The following DNAJC5B variants were observed in gnomAD, a reference collection of about 807,000 sequenced individuals.
DNAJC5B encodes the protein dnaJ homolog subfamily C member 5B.
Under a neutral mutation model 24.7 loss-of-function variants are expected in DNAJC5B, and 23 were observed. The ratio of observed to expected loss-of-function variants is 0.93; its 90% CI spans 0.67 to 1.32. DNAJC5B has a LOEUF of 1.32. Among genes scored for constraint, DNAJC5B ranks in the 40% most tolerant of loss-of-function variants. DNAJC5B has a pLI of 0.00. For synonymous variants in DNAJC5B, 101 were observed against 90.1 expected (o/e 1.12, Z -0.68); for missense variants, 238 against 240.8 (o/e 0.99, Z 0.08).
rs1020934221 is a variant in DNAJC5B at position 66,080,549 on chromosome 8, G to C, written c.505+1G>C. The stretch of plus-strand genomic sequence containing the variant: ...CAGATCAAGTCTGACATGGAAAAAG[G>C]TGGGGTAGGATGAGAGCAGAGGTAG... On this transcript the variant is annotated splice_donor_variant, in intron 5 of 5. Coordinates refer to ENST00000276570, the MANE Select transcript of DNAJC5B (RefSeq NM_033105.6). LOFTEE classifies it high-confidence loss of function. 6.9e-6 allele frequency: 11 copies of C among 1,602,824 alleles called. No individual in the cohort carries two copies. Among genetic ancestry groups the C allele is most frequent in the East Asian group, 2.2e-5 (1 of 44,566 alleles).
At chr8:66,076,119 A>C (rs866808795) in intron 3 of DNAJC5B, among the ~76,000 whole-genome samples, 15 of 152,240 alleles carry the variant, frequency 9.9e-5, no homozygotes, top group Admixed American at 5.2e-4. Flanking sequence ...AATACAAAGG[A>C]AGTCACAGTA....
chr8:66,058,889 G>C (rs572495387), intron 3 of DNAJC5B, among the ~76,000 whole-genome samples: 1 of 152,306 alleles, frequency 6.6e-6, no homozygotes, highest in African/African-American at 2.4e-5. Flanking sequence ...TTTGTGAAGA[G>C]AAATGAGATC....
At chr8:66,038,853 G>T (rs1282428860) in intron 1 of DNAJC5B, among the ~76,000 whole-genome samples, 1 of 152,190 alleles carries the variant, frequency 6.6e-6, no homozygotes, top group Non-Finnish European at 1.5e-5. Flanking sequence ...AAGCAACAAG[G>T]TGTTTAAATT....
At chr8:66,035,195 C>A (rs7004730) in intron 1 of DNAJC5B, among the ~76,000 whole-genome samples, 1 of 152,184 alleles carries the variant, frequency 6.6e-6, no homozygotes, top group African/African-American at 2.4e-5. Context: ...AATGCCCCCA[C>A]CATCCCTGGA....
At chr8:66,073,002 A>G (rs1485039338) in intron 3 of DNAJC5B, among the ~76,000 whole-genome samples, 1 of 152,146 alleles carries the variant, frequency 6.6e-6, no homozygotes, top group Admixed American at 6.6e-5. Flanking sequence ...GCCACTTTTG[A>G]CATCGTACTT....
chr8:66,081,271 G>C (rs1002463102), intron 5 of DNAJC5B, among the ~76,000 whole-genome samples: 3 of 152,106 alleles, frequency 2.0e-5, no homozygotes, highest in African/African-American at 7.2e-5. Context: ...CGTCCTCTGG[G>C]AAATGCCTTT....
intron 1 of DNAJC5B, among the ~76,000 whole-genome samples, chr8:66,030,900 G>A: frequency 6.6e-6 from 1 of 152,326 alleles, no homozygotes; most frequent in Non-Finnish European, 1.5e-5. Flanking sequence ...TCCTCCCAAA[G>A]TGCTGAAATT....
intron 5 of DNAJC5B, among the ~76,000 whole-genome samples, chr8:66,084,307 A>C (rs371278640): frequency 2.0e-5 from 3 of 152,290 alleles, no homozygotes; most frequent in African/African-American, 7.2e-5. Flanking sequence ...CCACTTAAAA[A>C]TCAAGTGACT....
intron 2 of DNAJC5B, among the ~76,000 whole-genome samples, chr8:66,048,094 C>G (rs1053952841): frequency 1.3e-5 from 2 of 152,158 alleles, no homozygotes; most frequent in Non-Finnish European, 2.9e-5. Context: ...TTAACTCCAG[C>G]TAAAGTATAT....
intron 3 of DNAJC5B, among the ~76,000 whole-genome samples, chr8:66,074,377 T>C (rs1807415907): frequency 6.6e-6 from 1 of 152,236 alleles, no homozygotes; most frequent in South Asian, 2.1e-4. Context: ...TAGGAAGATC[T>C]TGAGGGCTTT....
chr8:66,034,870 C>T (rs545827630), intron 1 of DNAJC5B, among the ~76,000 whole-genome samples: 1 of 152,190 alleles, frequency 6.6e-6, no homozygotes, highest in East Asian at 1.9e-4. Context: ...ACAGATCTGC[C>T]TGGACGCATG....
In DNAJC5B at chr8:66,077,008, TG is replaced by T. The variant is rs1807482787; in HGVS notation, c.333+136del. ...AAATAAAAGGAGATATTGCTTCCACTGAATGCTATTATTTAGGATCATTTCT... is the reference window on the plus strand; with the variant it reads ...AAATAAAAGGAGATATTGCTTCCACTAATGCTATTATTTAGGATCATTTCT... On this transcript the variant is annotated intron_variant, in intron 4 of 5. Coordinates refer to ENST00000276570, the MANE Select transcript of DNAJC5B (RefSeq NM_033105.6). 3.6e-6 allele frequency: 3 copies of T among 830,702 alleles called. No homozygotes were observed. The Admixed American group carries it at 7.8e-5, about 22-fold the overall frequency. The allele number at this position is 830,702 out of a possible 1,614,324, so 51.5% of individuals were successfully genotyped here.
intron 3 of DNAJC5B, among the ~76,000 whole-genome samples, chr8:66,059,172 A>T (rs1807028613): frequency 6.6e-6 from 1 of 152,342 alleles, no homozygotes; most frequent in Admixed American, 6.5e-5. Context: ...AAGGGGTTGA[A>T]GTCTAAGGCT....
chr8:66,049,440 G>A (rs112918169), intron 2 of DNAJC5B, among the ~76,000 whole-genome samples: 50 of 152,182 alleles, frequency 3.3e-4, no homozygotes, highest in African/African-American at 1.1e-3. Context: ...ACATTTTTAC[G>A]GTACCTTTTC....
chr8:66,061,549 G>A (rs940092165), intron 3 of DNAJC5B, among the ~76,000 whole-genome samples: 1 of 151,818 alleles, frequency 6.6e-6, no homozygotes. Context: ...GCAGGGTGAC[G>A]TGCCAAGAAG....
chr8:66,016,424 G>T, the DNAJC5B span, among the ~76,000 whole-genome samples: 2 of 151,986 alleles, frequency 1.3e-5, no homozygotes, highest in Non-Finnish European at 1.5e-5. Context: ...GCTCCCACTC[G>T]CTCCGTTCTG....
rs186282502 is a variant in DNAJC5B, at chr8:66,085,465, C to G, written c.505+4917C>G. 3.0e-3 allele frequency among the ~76,000 whole-genome samples: 450 copies of G among 151,578 alleles called. 7 individuals are homozygous for G. Among genetic ancestry groups the G allele is most frequent in the Admixed American group, 0.027 (407 of 15,254 alleles). Reference sequence around the variant, plus strand: ...AAAAAAATAAAAATAAAAATAAATCCGGGAGGCTGAGGCAGGAGAATTGTG... The same window carrying G: ...AAAAAAATAAAAATAAAAATAAATCGGGGAGGCTGAGGCAGGAGAATTGTG... On this transcript the variant is annotated intron_variant, in intron 5 of 5. Transcript: ENST00000276570.
chr8:66,063,526 G>T (rs1158317323), intron 3 of DNAJC5B, among the ~76,000 whole-genome samples: 1 of 152,184 alleles, frequency 6.6e-6, no homozygotes. Context: ...CCACTGAAAA[G>T]AAGAGTATGT....
intron 5 of DNAJC5B, among the ~76,000 whole-genome samples, chr8:66,093,148 T>G (rs1434091353): frequency 1.3e-5 from 2 of 152,224 alleles, no homozygotes; most frequent in Admixed American, 1.3e-4. Flanking sequence ...CTACTGCTAA[T>G]GGACATTTGA....
Sources: gnomAD v4.1 joint callset for allele counts (sites outside exome capture counted in the v4.1 genomes callset) on GRCh38, gnomAD v4.1.1 for gene constraint, MANE v1.5 for transcripts, NCBI Gene and HGNC (gene_info 2026-07-23, HGNC 2026-07-21) for gene names.